The following CCSER1 variants were observed in gnomAD, a reference collection of about 807,000 sequenced individuals.
CCSER1 encodes serine-rich coiled-coil domain-containing protein 1.
A neutral mutation model predicts 82.0 loss-of-function variants in CCSER1; 41 were observed. The ratio of observed to expected loss-of-function variants is 0.50; its 90% CI spans 0.39 to 0.65. The LOEUF (loss-of-function observed/expected upper bound fraction) is 0.65, where lower values mean the gene tolerates loss of function less well. CCSER1 is among the 30% of genes least tolerant of loss of function. The pLI, the probability that CCSER1 is intolerant of heterozygous loss-of-function variation, is 0.00. For synonymous variants in CCSER1, 414 were observed against 383.9 expected (o/e 1.08, Z -0.92); for missense variants, 1,119 against 1,064.2 (o/e 1.05, Z -0.72).
intron 6 of CCSER1, chr4:90,663,888 A>G: frequency 2.7e-6 from 1 of 367,870 alleles, no homozygotes. Context: ...ACAAATAAAA[A>G]TTGTATTATT....
chr4:91,334,370 T>A (rs1477919379), intron 10 of CCSER1, among the ~76,000 whole-genome samples: 1 of 152,114 alleles, frequency 6.6e-6, no homozygotes, highest in African/African-American at 2.4e-5. Flanking sequence ...CCTAACATTT[T>A]ACCTAGGTGT....
chr4:90,337,897 G>A (rs967713856), intron 3 of CCSER1, among the ~76,000 whole-genome samples: 2 of 152,126 alleles, frequency 1.3e-5, no homozygotes, highest in African/African-American at 2.4e-5. Flanking sequence ...GTCTGGCTGG[G>A]ATTTTCTCTT....
chr4:90,470,285 T>C (rs181088119), intron 5 of CCSER1, among the ~76,000 whole-genome samples: 1 of 152,288 alleles, frequency 6.6e-6, no homozygotes. Context: ...TCTCCTAAAA[T>C]ATATCTTCAG....
chr4:90,309,228 C>A lies in CCSER1; in HGVS notation c.944C>A (p.Pro315His). ...KTTTELTGTV[P>H]CAIMSPGKYR... is the part of the protein sequence containing the mutation. ...ACAACAGAACTTACGGGAACTGTTC[C>A]CTGTGCAATTATGTCTCCTGGGAAA... is the stretch of plus-strand genomic sequence containing the variant. Residue 315 changes from proline (P) to histidine (H), a missense_variant, in exon 2 of 11, where the codon CCC becomes CAC. Pro to His is a moderately conservative substitution (Grantham distance 77, BLOSUM62 -2). Coordinates refer to ENST00000509176, the MANE Select transcript of CCSER1 (RefSeq NM_001145065.2). The A allele has an allele frequency of 6.2e-7, 1 of 1,613,860 alleles. No homozygotes were observed. Among genetic ancestry groups the A allele is most frequent in the Admixed American group, 1.7e-5 (1 of 59,988 alleles).
At position 90,586,359 on chromosome 4, in the gene CCSER1, A is replaced by G. The variant is rs531956318; in HGVS notation, c.1725-41666A>G. On this transcript the variant is annotated intron_variant, in intron 5 of 10. Transcript: ENST00000509176. The stretch of plus-strand genomic sequence containing the variant: ...GCGGATTTAGAAGATAAGTGTTGCT[A>G]AAAAATAAGTTTAACACAGATCTAT... Among the ~76,000 whole-genome samples, 35 of 152,304 alleles carry G rather than the reference A, an allele frequency of 2.3e-4. 1 individual carries two copies. In the South Asian group the frequency reaches 6.2e-3, roughly 27 times the overall value.
intron 9 of CCSER1, among the ~76,000 whole-genome samples, chr4:91,051,547 G>A (rs1303735430): frequency 6.6e-6 from 1 of 152,018 alleles, no homozygotes; most frequent in Non-Finnish European, 1.5e-5. Flanking sequence ...AATGCTTAAA[G>A]ATTTATGTAC....
intron 5 of CCSER1, among the ~76,000 whole-genome samples, chr4:90,483,511 C>T (rs1039582655): frequency 1.8e-4 from 27 of 152,108 alleles, no homozygotes; most frequent in Admixed American, 1.4e-3. Context: ...TGGCTGGTAC[C>T]GGTTGTTCCT....
rs976886817 is a variant in CCSER1, at chr4:90,822,498, G to A, written c.2094+6653G>A. ...AATCCCAGCACGTTGGGAGGCCAAGGCGGGCGAATCACGAGGTCAGGAGTT... is the reference window on the plus strand; with the variant it reads ...AATCCCAGCACGTTGGGAGGCCAAGACGGGCGAATCACGAGGTCAGGAGTT... On this transcript the variant is annotated intron_variant, in intron 8 of 10. Coordinates refer to ENST00000509176, the MANE Select transcript of CCSER1 (RefSeq NM_001145065.2). Among the ~76,000 whole-genome samples, 9 of 152,284 alleles carry A rather than the reference G, an allele frequency of 5.9e-5. No individual in the cohort carries two copies. In the South Asian group the frequency reaches 1.9e-3, roughly 32 times the overall value.
intron 10 of CCSER1, among the ~76,000 whole-genome samples, chr4:91,164,014 C>T (rs528739690): frequency 6.6e-6 from 1 of 152,304 alleles, no homozygotes; most frequent in African/African-American, 2.4e-5. Context: ...GATGCAGTTT[C>T]TTCCAAGCAT....
intron 10 of CCSER1, among the ~76,000 whole-genome samples, chr4:91,091,777 T>C (rs1307189095): frequency 3.9e-5 from 6 of 152,140 alleles, no homozygotes; most frequent in Non-Finnish European, 8.8e-5. Flanking sequence ...ATAACGGTCT[T>C]GGGTCCCTTC....
At chr4:90,600,219 C>T (rs1783869329) in intron 5 of CCSER1, among the ~76,000 whole-genome samples, 1 of 152,068 alleles carries the variant, frequency 6.6e-6, no homozygotes, top group Non-Finnish European at 1.5e-5. Context: ...TGAGTAAATA[C>T]TTAGGACTGA....
chr4:91,218,043 C>G (rs112649413), intron 10 of CCSER1, among the ~76,000 whole-genome samples: 8,811 of 152,220 alleles, frequency 0.058, 501 homozygotes, highest in African/African-American at 0.15. Context: ...GGGGAGGCTC[C>G]GGCCGCACAG....
Position 91,200,729 on chromosome 4 carries a change from C to T in CCSER1, c.2217+114735C>T, listed in dbSNP as rs183515328. Among the ~76,000 whole-genome samples the T allele has an allele frequency of 3.5e-4, 53 of 152,036 alleles. 1 individual carries two copies. Among genetic ancestry groups the T allele is most frequent in the African/African-American group, 1.3e-3 (52 of 41,524 alleles). Reference sequence around the variant, plus strand: ...GTTTGGAACAGAGGCAAGGAATAAGCATTTAACAGACTCCAATGCCAAATA... The same window carrying T: ...GTTTGGAACAGAGGCAAGGAATAAGTATTTAACAGACTCCAATGCCAAATA... On this transcript the variant is annotated intron_variant, in intron 10 of 10. Coordinates refer to ENST00000509176, the MANE Select transcript of CCSER1 (RefSeq NM_001145065.2).
At chr4:91,202,984 T>C (rs1229532979) in intron 10 of CCSER1, among the ~76,000 whole-genome samples, 3 of 151,422 alleles carry the variant, frequency 2.0e-5, no homozygotes, top group Non-Finnish European at 4.4e-5. Flanking sequence ...TCTCAAAGCA[T>C]TATTACAAGA....
intron 9 of CCSER1, among the ~76,000 whole-genome samples, chr4:90,929,702 A>T (rs1334539117): frequency 6.6e-6 from 1 of 152,240 alleles, no homozygotes; most frequent in African/African-American, 2.4e-5. Context: ...AATTATAAAA[A>T]TATTCATTAA....
At chr4:90,999,083 T>G (rs777184011) in intron 9 of CCSER1, among the ~76,000 whole-genome samples, 1 of 152,224 alleles carries the variant, frequency 6.6e-6, no homozygotes, top group Non-Finnish European at 1.5e-5. Flanking sequence ...CATGGCTCCA[T>G]AGTATTCCAT....
At chr4:91,574,794 A>G (rs1239505082) in intron 10 of CCSER1, among the ~76,000 whole-genome samples, 1 of 152,006 alleles carries the variant, frequency 6.6e-6, no homozygotes, top group African/African-American at 2.4e-5. Flanking sequence ...TACTATGCTC[A>G]TTACGTGGAT....
intron 7 of CCSER1, among the ~76,000 whole-genome samples, chr4:90,747,883 ATGAG>A (rs1747781952): frequency 6.9e-6 from 1 of 145,940 alleles, no homozygotes; most frequent in Admixed American, 7.3e-5. Context: ...ATTCCCACCT[ATGAG>A]TGAGAATATG....
intron 3 of CCSER1, among the ~76,000 whole-genome samples, chr4:90,369,672 A>G (rs1485342402): frequency 6.6e-6 from 1 of 151,982 alleles, no homozygotes; most frequent in Non-Finnish European, 1.5e-5. Context: ...TTAAGACATC[A>G]CAGGAGAAAA....
Sources: gnomAD v4.1 joint callset for allele counts (sites outside exome capture counted in the v4.1 genomes callset) on GRCh38, gnomAD v4.1.1 for gene constraint, MANE v1.5 for transcripts, NCBI Gene and HGNC (gene_info 2026-07-23, HGNC 2026-07-21) for gene names.